Variants in DDX19B observed in about 807,000 individuals in gnomAD.
DDX19B encodes ATP-dependent RNA helicase DDX19B.
DDX19B carries 27 observed loss-of-function variants against 58.1 expected under a neutral mutation model. The observed-to-expected ratio is 0.46, with a 90% CI of 0.34 to 0.64. The LOEUF (loss-of-function observed/expected upper bound fraction) is 0.64. Among genes scored for constraint, DDX19B ranks in the 30% least tolerant of loss-of-function variants. DDX19B has a pLI of 0.01. For missense variants in DDX19B, 399 were observed against 596.5 expected (o/e 0.67, Z 3.45); for synonymous variants, 187 against 214.4 (o/e 0.87, Z 1.12).
At chr16:70,321,547 T>G (rs1041029651) in intron 5 of DDX19B, among the ~76,000 whole-genome samples, 4 of 152,224 alleles carry the variant, frequency 2.6e-5, no homozygotes, top group East Asian at 1.9e-4. Flanking sequence ...TGCTAGGCAC[T>G]TGGATACATT....
At chr16:70,323,464 C>A (rs529459860) in intron 5 of DDX19B, among the ~76,000 whole-genome samples, 2 of 149,134 alleles carry the variant, frequency 1.3e-5, no homozygotes, top group South Asian at 4.2e-4. Flanking sequence ...CGCTCTATCA[C>A]CCAGGCTGGA....
chr16:70,291,687 T>C (rs1368123699), upstream of DDX19B, among the ~76,000 whole-genome samples: 1 of 152,042 alleles, frequency 6.6e-6, no homozygotes, highest in Non-Finnish European at 1.5e-5. Flanking sequence ...GGCGGGCGCC[T>C]GTAGTCCCAG....
chr16:70,293,287 A>G (rs1349902249), upstream of DDX19B, among the ~76,000 whole-genome samples: 2 of 151,316 alleles, frequency 1.3e-5, no homozygotes, highest in African/African-American at 2.4e-5. Flanking sequence ...GCATGGTGGC[A>G]TGCATCTGTA....
intron 10 of DDX19B, 87 bp from the exon 11 acceptor site, chr16:70,332,881 G>C: frequency 6.2e-7 from 1 of 1,611,524 alleles, no homozygotes; most frequent in Non-Finnish European, 8.5e-7. Context: ...CCTTAATGCT[G>C]AGTCATGCTC....
intron 5 of DDX19B, chr16:70,317,805 C>A: frequency 3.1e-6 from 1 of 322,132 alleles, no homozygotes; most frequent in Non-Finnish European, 5.8e-6. Flanking sequence ...CTTGGCCAGG[C>A]ATGGTGGCAT....
upstream of DDX19B, chr16:70,290,131 G>A (rs534128729): frequency 7.3e-5 from 13 of 178,344 alleles, no homozygotes; most frequent in South Asian, 1.0e-3. Context: ...TGCCAGGTGC[G>A]GTGGCTCACG....
chr16:70,313,024 T>A (rs1962171152), intron 2 of DDX19B, among the ~76,000 whole-genome samples: 1 of 148,420 alleles, frequency 6.7e-6, no homozygotes. Flanking sequence ...TATTTTTTAT[T>A]TTTTATTTTT....
chr16:70,330,630 A>G (rs774648664), intron 9 of DDX19B, among the ~76,000 whole-genome samples: 2 of 152,068 alleles, frequency 1.3e-5, no homozygotes, highest in Non-Finnish European at 2.9e-5. Context: ...AACAACAAAA[A>G]AAGAGTATAA....
chr16:70,323,925 A>G (rs1235596903), intron 5 of DDX19B, among the ~76,000 whole-genome samples: 1 of 152,134 alleles, frequency 6.6e-6, no homozygotes, highest in Non-Finnish European at 1.5e-5. Context: ...GAAGGGAGTT[A>G]GCATGTTATC....
upstream of DDX19B, among the ~76,000 whole-genome samples, chr16:70,296,005 A>ATTT (rs113857820): frequency 1.5e-5 from 2 of 134,754 alleles, no homozygotes; most frequent in South Asian, 2.4e-4. Flanking sequence ...TATCTTAAGC[A>ATTT]TTTTTTTTTT....
chr16:70,328,079 G>A (rs1476807307), intron 7 of DDX19B, among the ~76,000 whole-genome samples: 3 of 151,838 alleles, frequency 2.0e-5, no homozygotes, highest in Non-Finnish European at 2.9e-5. Context: ...GCTTGAACCC[G>A]GGAGGGGGAG....
At chr16:70,309,203 T>C (rs545868693) in intron 1 of DDX19B, among the ~76,000 whole-genome samples, 1 of 152,244 alleles carries the variant, frequency 6.6e-6, no homozygotes, top group Non-Finnish European at 1.5e-5. Context: ...TTTCCATGAA[T>C]AGAAATGGGA....
chr16:70,329,573 G>A (rs891771313), intron 8 of DDX19B, 104 bp downstream of exon 8: 8 of 1,512,278 alleles, frequency 5.3e-6, no homozygotes, highest in African/African-American at 1.4e-5. Flanking sequence ...CTTGGCTCTC[G>A]TACTCTCAGC....
At chr16:70,301,788 C>G (rs1484776652) in intron 1 of DDX19B, among the ~76,000 whole-genome samples, 1 of 151,470 alleles carries the variant, frequency 6.6e-6, no homozygotes, top group Non-Finnish European at 1.5e-5. Context: ...GTACTACAAC[C>G]TTGAACTCCT....
chr16:70,293,272 G>A (rs935827478), upstream of DDX19B, among the ~76,000 whole-genome samples: 2 of 151,638 alleles, frequency 1.3e-5, no homozygotes, highest in Admixed American at 1.3e-4. Flanking sequence ...ACAAAAATTA[G>A]CTGGGCATGG....
chr16:70,291,995 T>C (rs537863076), upstream of DDX19B, among the ~76,000 whole-genome samples: 1 of 150,314 alleles, frequency 6.7e-6, no homozygotes, highest in East Asian at 2.0e-4. Flanking sequence ...AAAAAAATTC[T>C]TTTTAATTAG....
upstream of DDX19B, chr16:70,294,764 C>A: frequency 8.6e-7 from 1 of 1,157,536 alleles, no homozygotes; most frequent in Non-Finnish European, 1.2e-6. Context: ...GACAGGATTT[C>A]CAGGCCTCAG....
At chr16:70,308,844 G>T (rs1401660713) in intron 1 of DDX19B, among the ~76,000 whole-genome samples, 2 of 151,322 alleles carry the variant, frequency 1.3e-5, no homozygotes, top group Non-Finnish European at 2.9e-5. Context: ...TAGGGTGCAT[G>T]TGCAGGATGT....
intron 1 of DDX19B, among the ~76,000 whole-genome samples, chr16:70,312,360 A>G (rs1173888005): frequency 6.6e-6 from 1 of 152,220 alleles, no homozygotes; most frequent in Non-Finnish European, 1.5e-5. Context: ...ACAAATTACA[A>G]TTCTCTCACA....
Sources: gnomAD v4.1 joint callset for allele counts (sites outside exome capture counted in the v4.1 genomes callset) on GRCh38, gnomAD v4.1.1 for gene constraint, MANE v1.5 for transcripts, NCBI Gene and HGNC (gene_info 2026-07-23, HGNC 2026-07-21) for gene names.